Variants in MED12L observed in about 807,000 individuals in gnomAD.
MED12L encodes mediator complex subunit 12L, also known as mediator of RNA polymerase II transcription subunit 12-like protein.
MED12L carries 60 observed loss-of-function variants against 281.3 expected under a neutral mutation model. The observed-to-expected ratio is 0.21, with a 90% CI of 0.17 to 0.26. The LOEUF (loss-of-function observed/expected upper bound fraction) is 0.26, where lower values mean the gene tolerates loss of function less well. Among genes scored for constraint, MED12L ranks in the 10% least tolerant of loss-of-function variants. The probability of loss-of-function intolerance (pLI) is 1.00; values close to 1 mark genes in which losing one functional copy is unlikely to be tolerated. For synonymous variants in MED12L, 974 were observed against 987.2 expected (o/e 0.99, Z 0.25); for missense variants, 2,146 against 2,680.9 (o/e 0.80, Z 4.41).
intron 16 of MED12L, among the ~76,000 whole-genome samples, chr3:151,329,208 T>C (rs1750066935): frequency 6.6e-6 from 1 of 152,206 alleles, no homozygotes; most frequent in Non-Finnish European, 1.5e-5. Context: ...TTTTTGGTAC[T>C]TTTAACAGTA....
rs1238191271 is a variant in MED12L at position 151,148,132 on chromosome 3, T to G, written c.557-8029T>G. 2.6e-5 allele frequency among the ~76,000 whole-genome samples: 4 copies of G among 152,342 alleles called. No individual in the cohort carries two copies. The South Asian group carries it at 6.2e-4, about 24-fold the overall frequency. On this transcript the variant is annotated intron_variant, in intron 5 of 44. Coordinates refer to ENST00000687756, the MANE Select transcript of MED12L (RefSeq NM_001393769.1). ...CTAATGGTGTTGACCATCTTAAATG[T>G]GCTTATTGGCCATTTGTTTATTATT...
chr3:151,139,052 G>C (rs1716557805), intron 5 of MED12L, among the ~76,000 whole-genome samples: 1 of 151,956 alleles, frequency 6.6e-6, no homozygotes, highest in African/African-American at 2.4e-5. Flanking sequence ...ATGTATTCAA[G>C]CATTTCTATC....
At position 151,365,870 on chromosome 3, in the gene MED12L, T is replaced by A. The variant is rs1347871354; in HGVS notation, c.3206T>A (p.Phe1069Tyr). 1 of 1,610,376 alleles carries A rather than the reference T, an allele frequency of 6.2e-7. No homozygotes were observed. Among genetic ancestry groups the A allele is most frequent in the Non-Finnish European group, 8.5e-7 (1 of 1,178,156 alleles). ...DAGRINDIAN[F>Y]SSELTACCTV... Reference sequence around the variant, plus strand: ...TCTAGGATTAACGACATAGCCAATTTCTCCTCTGAGCTTACGGCTTGCTGC... The same window carrying A: ...TCTAGGATTAACGACATAGCCAATTACTCCTCTGAGCTTACGGCTTGCTGC... Residue 1069 changes from phenylalanine (F) to tyrosine (Y), a missense_variant, in exon 23 of 45, where the codon TTC becomes TAC. Phe to Tyr is a conservative substitution (Grantham distance 22). Transcript: ENST00000687756.
chr3:151,338,773 G>A, intron 16 of MED12L: 1 of 1,613,560 alleles, frequency 6.2e-7, no homozygotes, highest in South Asian at 1.1e-5. Context: ...AAGAGGACCT[G>A]GGTGATTTTG....
At chr3:151,161,597 A>G (rs1365272017) in intron 8 of MED12L, among the ~76,000 whole-genome samples, 3 of 152,184 alleles carry the variant, frequency 2.0e-5, no homozygotes, top group Admixed American at 6.5e-5. Context: ...TAGCGTATGG[A>G]TAGCATTTAT....
Position 151,127,834 on chromosome 3 carries a change from C to A in MED12L, c.406C>A (p.Leu136Ile). Residue 136 changes from leucine to isoleucine, a missense_variant, in exon 5 of 45, where the codon CTT (leucine) becomes ATT (isoleucine). Physicochemically the swap from Leu to Ile is conservative, Grantham distance 5. This residue lies in a region of MED12L where 722 missense variants were observed against 861.2 expected (regional missense o/e 0.84). Transcript: ENST00000687756. ...TGTTGTTTCTTTTTAGGTTCCTATC[C>A]TTAGTAAAAAAGAGGATGTTTTTGC... ...LSILAKKVPI[L>I]SKKEDVFAYL... The A allele has an allele frequency of 6.2e-7, 1 of 1,605,048 alleles. No homozygotes were observed. The highest frequency in any genetic ancestry group is 8.5e-7 in the Non-Finnish European group (1 of 1,172,396).
intron 16 of MED12L, among the ~76,000 whole-genome samples, chr3:151,246,575 A>T (rs1213864366): frequency 6.6e-6 from 1 of 152,208 alleles, no homozygotes; most frequent in African/African-American, 2.4e-5. Flanking sequence ...CATATGTAGA[A>T]AGCTGAAACT....
chr3:151,229,670 G>A (rs1324298721), intron 16 of MED12L, among the ~76,000 whole-genome samples: 3 of 151,622 alleles, frequency 2.0e-5, no homozygotes, highest in African/African-American at 4.8e-5. Context: ...GTAGAGATGG[G>A]GTTTCATCGT....
chr3:151,356,611 AG>A, intron 19 of MED12L, among the ~76,000 whole-genome samples: 1 of 151,962 alleles, frequency 6.6e-6, no homozygotes, highest in Admixed American at 6.6e-5. Flanking sequence ...GAGAGTTTTG[AG>A]TGTTTCTTCT....
chr3:151,268,833 C>A (rs1323010341), intron 16 of MED12L, among the ~76,000 whole-genome samples: 2 of 152,120 alleles, frequency 1.3e-5, no homozygotes, highest in Non-Finnish European at 2.9e-5. Flanking sequence ...AAACTAAGAC[C>A]ACAAAGCTTC....
At chr3:151,162,895 C>T (rs1440555548) in intron 8 of MED12L, among the ~76,000 whole-genome samples, 2 of 152,140 alleles carry the variant, frequency 1.3e-5, no homozygotes, top group African/African-American at 4.8e-5. Context: ...TCTGTTTCCC[C>T]GTGTCTGGTT....
chr3:151,289,386 A>G (rs1390217433), intron 16 of MED12L, among the ~76,000 whole-genome samples: 2 of 152,214 alleles, frequency 1.3e-5, no homozygotes, highest in Admixed American at 1.3e-4. Flanking sequence ...AGAAAAAGAT[A>G]CTCACTCTGT....
intron 5 of MED12L, among the ~76,000 whole-genome samples, chr3:151,152,642 C>G (rs1051956371): frequency 6.6e-6 from 1 of 152,130 alleles, no homozygotes; most frequent in African/African-American, 2.4e-5. Context: ...ATGCTTCATG[C>G]TAAGTGACTC....
chr3:151,096,831 C>T (rs1401142567), intron 2 of MED12L, among the ~76,000 whole-genome samples: 1 of 152,212 alleles, frequency 6.6e-6, no homozygotes, highest in Non-Finnish European at 1.5e-5. Context: ...TTTACTTGGC[C>T]TGTCTGTAAA....
chr3:151,140,954 G>A (rs937380024), intron 5 of MED12L, among the ~76,000 whole-genome samples: 17 of 151,972 alleles, frequency 1.1e-4, no homozygotes, highest in African/African-American at 4.1e-4. Flanking sequence ...TGCAAACTCC[G>A]CATCCCAGGT....
intron 2 of MED12L, among the ~76,000 whole-genome samples, chr3:151,093,185 T>A (rs895293302): frequency 6.6e-6 from 1 of 152,178 alleles, no homozygotes; most frequent in African/African-American, 2.4e-5. Context: ...ACACCTGCGG[T>A]CCCAGCTACT....
chr3:151,300,176 A>T, intron 16 of MED12L: 2 of 986,590 alleles, frequency 2.0e-6, no homozygotes, highest in Non-Finnish European at 3.3e-6. Flanking sequence ...TGGGTTCAGC[A>T]TAGGTTATTC....
At chr3:151,182,573 C>T (rs572969135) in intron 11 of MED12L, among the ~76,000 whole-genome samples, 4 of 152,102 alleles carry the variant, frequency 2.6e-5, no homozygotes, top group East Asian at 3.9e-4. Flanking sequence ...GGGTAAGGAA[C>T]GCACTGGAGG....
chr3:151,186,898 G>A (rs1723358230), intron 12 of MED12L, among the ~76,000 whole-genome samples: 1 of 152,214 alleles, frequency 6.6e-6, no homozygotes, highest in Non-Finnish European at 1.5e-5. Flanking sequence ...GCACAGAATA[G>A]TGCTCACTGC....
Sources: gnomAD v4.1 joint callset for allele counts (sites outside exome capture counted in the v4.1 genomes callset) on GRCh38, gnomAD v4.1.1 for gene constraint, gnomAD v4.1.1 regional missense constraint, MANE v1.5 for transcripts, NCBI Gene and HGNC (gene_info 2026-07-23, HGNC 2026-07-21) for gene names.